FAM168A: variants seen among roughly 807,000 people sequenced by gnomAD.
FAM168A encodes the protein family with sequence similarity 168 member A, also known as protein FAM168A.
FAM168A carries 3 observed loss-of-function variants against 28.5 expected under a neutral mutation model. The observed-to-expected ratio is 0.11, with a 90% CI of 0.05 to 0.27. The LOEUF is 0.27. FAM168A is among the 10% of genes least tolerant of loss of function. The pLI, the probability that FAM168A is intolerant of heterozygous loss-of-function variation, is 1.00. For missense variants in FAM168A, 222 were observed against 311.5 expected, an observed-to-expected ratio of 0.71 and a Z score of 2.16; for synonymous variants, 122 against 124.2, an observed-to-expected ratio of 0.98 and a Z score of 0.12.
chr11:73,470,189 C>A (rs563453278), intron 1 of FAM168A, among the ~76,000 whole-genome samples: 1 of 152,144 alleles, frequency 6.6e-6, no homozygotes, highest in Non-Finnish European at 1.5e-5. Context: ...GGATTACAGT[C>A]GTGAGCCACC....
chr11:73,453,086 G>T lies in FAM168A; in HGVS notation c.70+15319C>A, dbSNP rs145894132. 1.8e-3 allele frequency among the ~76,000 whole-genome samples: 267 copies of T among 152,348 alleles called. 2 individuals carry two copies. Among genetic ancestry groups the T allele is most frequent in the African/African-American group, 6.2e-3 (258 of 41,578 alleles). ...AATACATTTTAACCTTGGAGTGGCT[G>T]CTGTGGGCTATTCACTCCTGCATCA... On this transcript the variant is annotated intron_variant, in intron 2 of 7. Transcript: ENST00000356467.
intron 3 of FAM168A, 54 bp downstream of exon 3, chr11:73,430,636 A>C: frequency 3.2e-6 from 5 of 1,541,700 alleles, no homozygotes; most frequent in East Asian, 2.3e-5. Flanking sequence ...GCTTTTCCCA[A>C]ATAGAGTCCC....
intron 2 of FAM168A, among the ~76,000 whole-genome samples, chr11:73,458,758 C>G (rs1867586272): frequency 6.6e-6 from 1 of 152,076 alleles, no homozygotes; most frequent in African/African-American, 2.4e-5. Flanking sequence ...TTACAGGTGC[C>G]TGCTACCACG....
chr11:73,445,212 T>C (rs1488913966), intron 2 of FAM168A, among the ~76,000 whole-genome samples: 2 of 150,236 alleles, frequency 1.3e-5, no homozygotes, highest in Admixed American at 1.3e-4. Flanking sequence ...CAAGCCAAGA[T>C]GGCGACATTG....
intron 4 of FAM168A, among the ~76,000 whole-genome samples, chr11:73,418,669 C>G (rs116801921): frequency 0.018 from 2,725 of 152,272 alleles, 82 homozygotes; most frequent in African/African-American, 0.061. Flanking sequence ...CTGGAATATC[C>G]CTTTGAGGGC....
At chr11:73,408,262 T>A (rs1304141289) in intron 6 of FAM168A, among the ~76,000 whole-genome samples, 1 of 152,206 alleles carries the variant, frequency 6.6e-6, no homozygotes, top group African/African-American at 2.4e-5. Context: ...CACACTAACC[T>A]GGGTGTTCCT....
chr11:73,434,609 T>C (rs1590772318), intron 2 of FAM168A, among the ~76,000 whole-genome samples: 1 of 152,086 alleles, frequency 6.6e-6, no homozygotes, highest in Non-Finnish European at 1.5e-5. Flanking sequence ...GAGGGGGCAG[T>C]AGTAGTAGAG....
At chr11:73,462,029 G>C (rs1867655761) in intron 2 of FAM168A, among the ~76,000 whole-genome samples, 1 of 152,148 alleles carries the variant, frequency 6.6e-6, no homozygotes, top group Non-Finnish European at 1.5e-5. Context: ...TATGTAAAAT[G>C]CTGCAGCCAC....
intron 3 of FAM168A, among the ~76,000 whole-genome samples, chr11:73,421,561 CA>C (rs1565237219): frequency 6.6e-6 from 1 of 152,060 alleles, no homozygotes; most frequent in East Asian, 1.9e-4. Context: ...GCTCTGCAGA[CA>C]ATGCAGGAGG....
chr11:73,588,512 G>A (rs1282951710), intron 1 of FAM168A, among the ~76,000 whole-genome samples: 2 of 152,088 alleles, frequency 1.3e-5, no homozygotes, highest in African/African-American at 4.8e-5. Context: ...GCAACACAGT[G>A]AAATCCCGTC....
chr11:73,425,950 A>G lies in FAM168A; in HGVS notation c.151+4740T>C, dbSNP rs114602736. On this transcript the variant is annotated intron_variant, in intron 3 of 7. Transcript: ENST00000356467. ...ACTCACAAGACTAAGGTAAAAATGAATGTTTGTAACATGACTTGTGCAGGG... is the reference window on the plus strand; with the variant it reads ...ACTCACAAGACTAAGGTAAAAATGAGTGTTTGTAACATGACTTGTGCAGGG... 2.1e-3 allele frequency among the ~76,000 whole-genome samples: 322 copies of G among 152,332 alleles called. 1 individual carries two copies. Among genetic ancestry groups the G allele is most frequent in the African/African-American group, 7.3e-3 (304 of 41,570 alleles).
At chr11:73,430,835 CAAAAA>C in intron 2 of FAM168A, 65 bp from the exon 3 acceptor site, 15 of 1,310,322 alleles carry the variant, frequency 1.1e-5, no homozygotes, top group Non-Finnish European at 1.6e-5. Context: ...CAAAACAAAA[CAAAAA>C]AACACCCAGA....
At chr11:73,504,678 A>C (rs1289292024) in intron 1 of FAM168A, among the ~76,000 whole-genome samples, 1 of 152,212 alleles carries the variant, frequency 6.6e-6, no homozygotes, top group East Asian at 1.9e-4. Context: ...AATATAAATC[A>C]TTCTACTATA....
At chr11:73,430,644 C>G (rs1450650374) in intron 3 of FAM168A, 46 bp downstream of exon 3, 3 of 1,549,962 alleles carry the variant, frequency 1.9e-6, no homozygotes, top group Non-Finnish European at 2.7e-6. Context: ...CAAATAGAGT[C>G]CCCCTTCCCA....
intron 3 of FAM168A, chr11:73,430,283 T>TGG (rs1482807995): frequency 2.6e-4 from 51 of 195,316 alleles, no homozygotes; most frequent in African/African-American, 1.2e-3. Context: ...CCAAGGTGTG[T>TGG]GTGTGTGTGT....
At chr11:73,498,086 G>A (rs1430453306) in intron 1 of FAM168A, among the ~76,000 whole-genome samples, 3 of 152,146 alleles carry the variant, frequency 2.0e-5, no homozygotes, top group South Asian at 2.1e-4. Context: ...TAATGAGGCC[G>A]ACTAGTACAG....
At chr11:73,561,580 C>T (rs1943959001) in intron 1 of FAM168A, among the ~76,000 whole-genome samples, 1 of 151,990 alleles carries the variant, frequency 6.6e-6, no homozygotes, top group South Asian at 2.1e-4. Flanking sequence ...AATACAAAGA[C>T]CACACAAACG....
chr11:73,525,928 C>T (rs1474181395), intron 1 of FAM168A, among the ~76,000 whole-genome samples: 1 of 152,086 alleles, frequency 6.6e-6, no homozygotes, highest in African/African-American at 2.4e-5. Flanking sequence ...CTTGAAAGGA[C>T]AAAAGACATA....
chr11:73,533,359 C>CA (rs374463616), intron 1 of FAM168A, among the ~76,000 whole-genome samples: 3 of 151,950 alleles, frequency 2.0e-5, no homozygotes, highest in African/African-American at 7.2e-5. Flanking sequence ...AGGAAGCAAG[C>CA]AAAAAAGGTC....
Sources: allele counts gnomAD v4.1 joint callset (sites outside exome capture counted in the v4.1 genomes callset), GRCh38; gene constraint gnomAD v4.1.1; transcripts MANE v1.5; gene names NCBI Gene and HGNC (gene_info 2026-07-23, HGNC 2026-07-21).